The following STAU2 variants were observed in gnomAD, a reference collection of about 807,000 sequenced individuals.
The protein encoded by STAU2 is staufen double-stranded RNA binding protein 2, also known as double-stranded RNA-binding protein Staufen homolog 2.
Under a neutral mutation model 65.9 loss-of-function variants are expected in STAU2, and 20 were observed. The ratio of observed to expected loss-of-function variants is 0.30; its 90% CI spans 0.21 to 0.44. STAU2 has a LOEUF of 0.44. Ranked by LOEUF, STAU2 falls within the 20% of genes least tolerant of loss-of-function variation. The probability of loss-of-function intolerance (pLI) is 1.00; values close to 1 mark genes in which losing one functional copy is unlikely to be tolerated. For synonymous variants in STAU2, 232 were observed against 233.9 expected, an observed-to-expected ratio of 0.99 and a Z score of 0.07; for missense variants, 558 against 683.9, an observed-to-expected ratio of 0.82 and a Z score of 2.05.
At chr8:73,719,865 A>G (rs1396120758) in intron 3 of STAU2, among the ~76,000 whole-genome samples, 1 of 152,232 alleles carries the variant, frequency 6.6e-6, no homozygotes, top group Admixed American at 6.5e-5. Flanking sequence ...TATTTTTAAA[A>G]GCATATAAAA....
chr8:73,687,232 AAATT>A (rs1818917617), intron 5 of STAU2, among the ~76,000 whole-genome samples: 3 of 133,216 alleles, frequency 2.3e-5, no homozygotes, highest in African/African-American at 8.5e-5. Flanking sequence ...ACTTAAATAT[AAATT>A]AATTTAAATA....
intron 4 of STAU2, among the ~76,000 whole-genome samples, chr8:73,693,400 G>A (rs919887821): frequency 2.6e-5 from 4 of 151,384 alleles, no homozygotes; most frequent in African/African-American, 4.9e-5. Context: ...GCGTGAACCC[G>A]GGAGGTGGAG....
intron 3 of STAU2, among the ~76,000 whole-genome samples, chr8:73,724,675 G>GTGTGTGTGTA (rs144911202): frequency 1.4e-4 from 19 of 138,124 alleles, no homozygotes; most frequent in Admixed American, 6.5e-4. Flanking sequence ...GTGTGTGTGT[G>GTGTGTGTGTA]TATATATATA....
At chr8:73,479,247 C>T (rs554396799) in intron 13 of STAU2, among the ~76,000 whole-genome samples, 2 of 152,230 alleles carry the variant, frequency 1.3e-5, no homozygotes, top group East Asian at 1.9e-4. Flanking sequence ...TACCATCAAA[C>T]ATCAGTGTTC....
At chr8:73,483,273 A>C (rs749471184) in intron 13 of STAU2, among the ~76,000 whole-genome samples, 1 of 152,164 alleles carries the variant, frequency 6.6e-6, no homozygotes, top group Non-Finnish European at 1.5e-5. Flanking sequence ...AAGCATGTCC[A>C]CAAGAACTTA....
At chr8:73,561,686 T>C in intron 12 of STAU2, 1 of 363,672 alleles carries the variant, frequency 2.7e-6, no homozygotes, top group Non-Finnish European at 5.4e-6. Context: ...CTGCCAGGAT[T>C]CCTATTGCTT....
At chr8:73,627,093 C>G (rs562259466) in intron 6 of STAU2, among the ~76,000 whole-genome samples, 2 of 151,766 alleles carry the variant, frequency 1.3e-5, no homozygotes, top group South Asian at 2.1e-4. Flanking sequence ...GGGGCCTCTT[C>G]TTCCAGTGTG....
intron 4 of STAU2, among the ~76,000 whole-genome samples, chr8:73,698,715 T>C (rs1263694194): frequency 6.6e-6 from 1 of 151,916 alleles, no homozygotes; most frequent in Non-Finnish European, 1.5e-5. Flanking sequence ...GCTGGAGACT[T>C]CAACACCCCG....
In STAU2 at chr8:73,505,692, A is replaced by T. The variant is rs149588448; in HGVS notation, c.1530+46320T>A. On this transcript the variant is annotated intron_variant, in intron 13 of 14. Coordinates refer to ENST00000524300, the MANE Select transcript of STAU2 (RefSeq NM_001164380.2). ...TGACCTTATAATAGAAGCTTAGAAAACTACTTCTTAACTGCTTTATTAAGG... is the reference window on the plus strand; with the variant it reads ...TGACCTTATAATAGAAGCTTAGAAATCTACTTCTTAACTGCTTTATTAAGG... Among the ~76,000 whole-genome samples the T allele has an allele frequency of 5.9e-5, 9 of 152,184 alleles. 1 individual carries two copies. In the East Asian group the frequency reaches 1.5e-3, roughly 26 times the overall value.
intron 6 of STAU2, 119 bp downstream of exon 6, chr8:73,672,988 C>G (rs1427025343): frequency 2.1e-6 from 2 of 931,156 alleles, no homozygotes; most frequent in Admixed American, 3.3e-5. Context: ...TATCTAAATT[C>G]CATGCACAAT....
chr8:73,678,616 C>T (rs1002290604), intron 5 of STAU2, among the ~76,000 whole-genome samples: 9 of 152,124 alleles, frequency 5.9e-5, no homozygotes, highest in Non-Finnish European at 1.3e-4. Flanking sequence ...GTAAGACACT[C>T]ACTGAAAGGG....
chr8:73,552,056 G>A lies in STAU2; in HGVS notation c.1486C>T (p.Pro496Ser). Residue 496 changes from proline (P) to serine (S), a missense_variant, in exon 13 of 15, where the codon CCT becomes TCT. Pro to Ser is a moderately conservative substitution (Grantham distance 74). Around this residue, in one of 3 missense-constraint regions of STAU2, gnomAD observed 247 missense variants for 270.1 expected, o/e 0.91. Coordinates refer to ENST00000524300, the MANE Select transcript of STAU2 (RefSeq NM_001164380.2). ...SPTPPCSPVQPSKQLEYLARI... is the reference protein window; with the variant it reads ...SPTPPCSPVQSSKQLEYLARI... ...GCTAAATATTCCAGTTGTTTTGAAG[G>A]TTGTACTGGAGAACAAGGGGGAGTA... 2.5e-6 allele frequency: 4 copies of A among 1,602,738 alleles called. No homozygotes were observed. The highest frequency in any genetic ancestry group is 3.4e-6 in the Non-Finnish European group (4 of 1,173,446).
intron 12 of STAU2, among the ~76,000 whole-genome samples, chr8:73,552,880 A>G (rs1199325233): frequency 6.6e-6 from 1 of 152,222 alleles, no homozygotes; most frequent in Admixed American, 6.5e-5. Context: ...TCTCAAAACT[A>G]GCACTGTCTC....
chr8:73,603,489 G>A (rs1222323528), intron 10 of STAU2, among the ~76,000 whole-genome samples: 1 of 152,156 alleles, frequency 6.6e-6, no homozygotes, highest in Non-Finnish European at 1.5e-5. Context: ...TAAACTCCAT[G>A]GTAAATAACC....
At chr8:73,679,978 ATTTT>A (rs1160379353) in intron 5 of STAU2, among the ~76,000 whole-genome samples, 2 of 81,394 alleles carry the variant, frequency 2.5e-5, no homozygotes, top group Admixed American at 1.8e-4. Flanking sequence ...TAGGGAAGCC[ATTTT>A]TTTTTTTTTT....
chr8:73,527,902 C>A, intron 13 of STAU2: 1 of 54,792 alleles, frequency 1.8e-5, no homozygotes, highest in Non-Finnish European at 3.1e-5. Context: ...ACAGAACACA[C>A]TTTAAATATT....
intron 4 of STAU2, among the ~76,000 whole-genome samples, chr8:73,705,693 AG>A (rs1820458323): frequency 6.6e-6 from 1 of 152,234 alleles, no homozygotes; most frequent in African/African-American, 2.4e-5. Context: ...AAAACTGAGC[AG>A]AAAAATAAAA....
At chr8:73,736,366 T>C (rs1056201702) in intron 3 of STAU2, among the ~76,000 whole-genome samples, 13 of 152,200 alleles carry the variant, frequency 8.5e-5, no homozygotes. Context: ...GACCTGGAAA[T>C]ATAAGAGTAA....
chr8:73,704,667 T>C (rs768290369), intron 4 of STAU2, among the ~76,000 whole-genome samples: 1 of 152,112 alleles, frequency 6.6e-6, no homozygotes, highest in African/African-American at 2.4e-5. Flanking sequence ...AAATTAAAAG[T>C]AAGATTTTTG....
Sources: gnomAD v4.1 joint callset for allele counts (sites outside exome capture counted in the v4.1 genomes callset) on GRCh38, gnomAD v4.1.1 for gene constraint, gnomAD v4.1.1 regional missense constraint, MANE v1.5 for transcripts, NCBI Gene and HGNC (gene_info 2026-07-23, HGNC 2026-07-21) for gene names.